Variants in IL18R1 observed in about 807,000 individuals in gnomAD.
IL18R1 encodes the protein interleukin-18 receptor 1.
A neutral mutation model predicts 48.5 loss-of-function variants in IL18R1; 40 were observed. The ratio of observed to expected loss-of-function variants is 0.82; its 90% confidence interval spans 0.64 to 1.07. IL18R1 has a LOEUF of 1.07. IL18R1 is among the 50% of genes least tolerant of loss of function. IL18R1 has a pLI of 0.00. For synonymous variants in IL18R1, 232 were observed against 225.9 expected, an observed-to-expected ratio of 1.03 and a Z score of -0.24; for missense variants, 596 against 633.7, an observed-to-expected ratio of 0.94 and a Z score of 0.64.
At chr2:102,385,263 C>G (rs923437328) in intron 7 of IL18R1, among the ~76,000 whole-genome samples, 2 of 152,148 alleles carry the variant, frequency 1.3e-5, no homozygotes, top group African/African-American at 4.8e-5. Flanking sequence ...TAAAGTAGCA[C>G]TTGGTCAGTC....
Position 102,394,586 on chromosome 2 carries a change from A to G in IL18R1, c.1229A>G (p.Tyr410Cys), listed in dbSNP as rs1437318298. Residue 410 changes from tyrosine to cysteine, a missense_variant, in exon 10 of 11, where the codon TAT becomes TGT. Tyr to Cys is a radical substitution (Grantham distance 194). This residue lies in a region of IL18R1 where 179 missense variants were observed against 206.1 expected (regional missense o/e 0.87). Coordinates refer to ENST00000233957, the MANE Select transcript of IL18R1 (RefSeq NM_003855.5). ...LPRVLEKHFGYKLCIFERDVV... is the reference protein window; with the variant it reads ...LPRVLEKHFGCKLCIFERDVV... Reference sequence around the variant, plus strand: ...AGGGTGTTGGAGAAACATTTTGGGTATAAGTTATGCATATTTGAAAGGGAT... The same window carrying G: ...AGGGTGTTGGAGAAACATTTTGGGTGTAAGTTATGCATATTTGAAAGGGAT... 1.2e-6 allele frequency: 2 copies of G among 1,613,024 alleles called. No homozygotes were observed. Among genetic ancestry groups the G allele is most frequent in the East Asian group, 2.2e-5 (1 of 44,856 alleles).
chr2:102,397,217 C>T lies in IL18R1; in HGVS notation c.*331C>T, dbSNP rs1680871670. 4.4e-6 allele frequency: 1 copy of T among 227,348 alleles called. No homozygotes were observed. Among genetic ancestry groups the T allele is most frequent in the Non-Finnish European group, 8.5e-6 (1 of 117,790 alleles). The allele number at this position is 227,348 out of a possible 1,614,324, so 14.1% of individuals were successfully genotyped here. On this transcript the variant is annotated 3_prime_UTR_variant, in exon 11 of 11. Transcript: ENST00000233957. The stretch of plus-strand genomic sequence containing the variant: ...GTGATGCAAAATAACCGATGCCCTA[C>T]AAAAAGGGCGCATCTTTAAGAGTTT...
chr2:102,364,187 A>G (rs908384667), intron 2 of IL18R1, among the ~76,000 whole-genome samples: 6 of 152,214 alleles, frequency 3.9e-5, no homozygotes, highest in Admixed American at 2.6e-4. Flanking sequence ...ACACAGTCAT[A>G]TGTGTTTATA....
chr2:102,368,002 A>G lies in IL18R1; in HGVS notation c.236A>G (p.His79Arg), dbSNP rs760113124. 4 of 1,614,184 alleles carry G rather than the reference A, an allele frequency of 2.5e-6. No individual in the cohort carries two copies. The highest frequency in any genetic ancestry group is 1.3e-5 in the African/African-American group (1 of 75,048). Reference protein sequence around the residue: ...NPRSSSRIALHDCVLEFWPVE... With the variant: ...NPRSSSRIALRDCVLEFWPVE... Reference sequence around the variant, plus strand: ...AGGAGTTCCTCGAGAATTGCTTTGCATGATTGTGTTTTGGAGTTTTGGCCA... The same window carrying G: ...AGGAGTTCCTCGAGAATTGCTTTGCGTGATTGTGTTTTGGAGTTTTGGCCA... The change falls in exon 3 of 11, where the codon CAT (histidine) becomes CGT (arginine). Residue 79 changes from histidine to arginine, a missense_variant. By Grantham distance (29) the His-to-Arg change is conservative. This residue lies in a region of IL18R1 where 360 missense variants were observed against 339.4 expected (regional missense o/e 1.06). Transcript: ENST00000233957.
chr2:102,396,268 T>A (rs1157565342), intron 10 of IL18R1, among the ~76,000 whole-genome samples: 1 of 152,130 alleles, frequency 6.6e-6, no homozygotes, highest in Non-Finnish European at 1.5e-5. Flanking sequence ...TGTAGCGTAT[T>A]ATGATGATTA....
chr2:102,395,670 A>T (rs565487972), intron 10 of IL18R1, among the ~76,000 whole-genome samples: 6 of 152,190 alleles, frequency 3.9e-5, no homozygotes, highest in Non-Finnish European at 8.8e-5. Flanking sequence ...CAATTTTACT[A>T]TATTTCCGTT....
rs1426697734 is a variant in IL18R1 at position 102,397,540 on chromosome 2, A to G, written c.*654A>G. The G allele has an allele frequency of 6.6e-6, 1 of 152,372 alleles. No individual in the cohort carries two copies. The highest frequency in any genetic ancestry group is 2.1e-4 in the South Asian group (1 of 4,826). The allele number at this position is 152,372 out of a possible 1,614,324, so 9.4% of individuals were successfully genotyped here. A position where few individuals can be genotyped will look rare whatever the true frequency, so the allele number is the denominator to read the frequency against. Reference sequence around the variant, plus strand: ...GTGGATCTATTTATGGGAACTTCTTAAAAGGACCCCAGAATAGCTCTTTAT... The same window carrying G: ...GTGGATCTATTTATGGGAACTTCTTGAAAGGACCCCAGAATAGCTCTTTAT... On this transcript the variant is annotated 3_prime_UTR_variant, in exon 11 of 11. Coordinates refer to ENST00000233957, the MANE Select transcript of IL18R1 (RefSeq NM_003855.5).
intron 2 of IL18R1, among the ~76,000 whole-genome samples, chr2:102,367,619 C>T (rs1678981834): frequency 6.6e-6 from 1 of 151,936 alleles, no homozygotes. Context: ...GTTGTGTTTT[C>T]ATCTATGTTC....
chr2:102,394,171 T>C (rs1680697951), intron 9 of IL18R1, among the ~76,000 whole-genome samples: 1 of 152,154 alleles, frequency 6.6e-6, no homozygotes, highest in African/African-American at 2.4e-5. Context: ...AGGACACCTT[T>C]GGGCTCTTGG....
At chr2:102,383,259 C>A (rs1464084911) in intron 6 of IL18R1, among the ~76,000 whole-genome samples, 3 of 152,100 alleles carry the variant, frequency 2.0e-5, no homozygotes, top group Admixed American at 6.5e-5. Context: ...AAGGTATATT[C>A]TATAGGTTTT....
At chr2:102,366,857 G>A (rs1219710979) in intron 2 of IL18R1, among the ~76,000 whole-genome samples, 3 of 152,146 alleles carry the variant, frequency 2.0e-5, no homozygotes, top group Admixed American at 6.5e-5. Flanking sequence ...AACCATATCA[G>A]AATACTTCTA....
At chr2:102,376,753 A>C (rs892434481) in intron 5 of IL18R1, among the ~76,000 whole-genome samples, 2 of 152,186 alleles carry the variant, frequency 1.3e-5, no homozygotes, top group African/African-American at 4.8e-5. Flanking sequence ...CATTAAAGGT[A>C]TTTAATTAAA....
rs1440883374 is a variant in IL18R1 at position 102,397,663 on chromosome 2, C to A, written c.*777C>A. The A allele has an allele frequency of 6.6e-6, 1 of 152,334 alleles. No homozygotes were observed. The highest frequency in any genetic ancestry group is 6.5e-5 in the Admixed American group (1 of 15,288). The allele number at this position is 152,334 out of a possible 1,614,324, so 9.4% of individuals were successfully genotyped here. A position where few individuals can be genotyped will look rare whatever the true frequency, so the allele number is the denominator to read the frequency against. On this transcript the variant is annotated 3_prime_UTR_variant, in exon 11 of 11. Transcript: ENST00000233957. ...GTTGATTTTGTGTGAATGTTTATAT[C>A]AAAATGTTTGCCAGGTTGTATTAGC...
intron 10 of IL18R1, among the ~76,000 whole-genome samples, chr2:102,396,204 C>T (rs955866612): frequency 1.3e-5 from 2 of 152,126 alleles, no homozygotes; most frequent in Admixed American, 6.5e-5. Context: ...TACTTAACCA[C>T]TCTGTGCTCC....
chr2:102,368,465 C>T (rs1679043348), intron 3 of IL18R1, among the ~76,000 whole-genome samples: 1 of 152,088 alleles, frequency 6.6e-6, no homozygotes, highest in Non-Finnish European at 1.5e-5. Context: ...GGGTGGCATC[C>T]CTGGTGGGGA....
intron 1 of IL18R1, among the ~76,000 whole-genome samples, chr2:102,357,853 C>T (rs143878214): frequency 1.3e-5 from 2 of 152,160 alleles, no homozygotes; most frequent in East Asian, 1.9e-4. Context: ...AGATTCCACA[C>T]AAATTATTTT....
chr2:102,368,160 A>G, intron 3 of IL18R1, 92 bp downstream of exon 3: 1 of 1,380,428 alleles, frequency 7.2e-7, no homozygotes. Context: ...AGGTCAGATA[A>G]TCACCACATC....
intron 4 of IL18R1, among the ~76,000 whole-genome samples, chr2:102,372,946 CT>C (rs1274994495): frequency 6.6e-6 from 1 of 152,088 alleles, no homozygotes; most frequent in Non-Finnish European, 1.5e-5. Context: ...GTTTTTATGT[CT>C]TTTTCCTCAC....
intron 7 of IL18R1, among the ~76,000 whole-genome samples, chr2:102,385,487 A>C (rs929960714): frequency 6.6e-6 from 1 of 152,240 alleles, no homozygotes; most frequent in East Asian, 1.9e-4. Flanking sequence ...CTAAACATAT[A>C]GTCACCTAAG....
Sources: gnomAD v4.1 joint callset for allele counts (sites outside exome capture counted in the v4.1 genomes callset) on GRCh38, gnomAD v4.1.1 for gene constraint, gnomAD v4.1.1 regional missense constraint, MANE v1.5 for transcripts, NCBI Gene and HGNC (gene_info 2026-07-23, HGNC 2026-07-21) for gene names.